The following SFI1 variants were observed in gnomAD, a reference collection of about 807,000 sequenced individuals.
SFI1 encodes SFI1 centrin binding protein, also known as protein SFI1 homolog.
Under a neutral mutation model 207.5 loss-of-function variants are expected in SFI1, and 195 were observed. The observed-to-expected ratio is 0.94, with a 90% CI of 0.84 to 1.06. The LOEUF (loss-of-function observed/expected upper bound fraction) is 1.06, where lower values mean the gene tolerates loss of function less well. Among genes scored for constraint, SFI1 ranks in the 50% least tolerant of loss-of-function variants. SFI1 has a pLI of 0.00. For synonymous variants in SFI1, 630 were observed against 598.9 expected (o/e 1.05, Z -0.76); for missense variants, 1,634 against 1,588.0 (o/e 1.03, Z -0.49).
At chr22:31,522,003 G>C (rs1269740413) in intron 2 of SFI1, among the ~76,000 whole-genome samples, 1 of 149,624 alleles carries the variant, frequency 6.7e-6, no homozygotes, top group Non-Finnish European at 1.5e-5. Flanking sequence ...GGCCTCGAGG[G>C]ATCCACCTGC....
At chr22:31,526,359 A>G (rs935803839) in intron 2 of SFI1, among the ~76,000 whole-genome samples, 14 of 152,190 alleles carry the variant, frequency 9.2e-5, no homozygotes, top group African/African-American at 3.4e-4. Context: ...CAGGAAAGAA[A>G]GTGCAGGGTG....
intron 7 of SFI1, among the ~76,000 whole-genome samples, chr22:31,557,628 G>C (rs2061298102): frequency 6.6e-6 from 1 of 152,180 alleles, no homozygotes; most frequent in African/African-American, 2.4e-5. Context: ...TGTTAAGTTT[G>C]TGTGTGCATG....
At chr22:31,554,955 A>G (rs1202068247) in intron 6 of SFI1, among the ~76,000 whole-genome samples, 1 of 152,132 alleles carries the variant, frequency 6.6e-6, no homozygotes, top group Non-Finnish European at 1.5e-5. Flanking sequence ...TTAGTTTTCT[A>G]ATATTTGGGA....
chr22:31,581,516 T>C (rs1321459313), intron 12 of SFI1, among the ~76,000 whole-genome samples: 1 of 152,074 alleles, frequency 6.6e-6, no homozygotes, highest in Non-Finnish European at 1.5e-5. Context: ...GGTCGCAAAC[T>C]CCTGGCCTCA....
chr22:31,608,165 C>G (rs2069388360), intron 22 of SFI1, 132 bp downstream of exon 22: 1 of 655,482 alleles, frequency 1.5e-6, no homozygotes, highest in Non-Finnish European at 2.6e-6. Context: ...TGACAAAGTA[C>G]CACAGACTGG....
At chr22:31,544,133 G>A (rs946252838) in intron 4 of SFI1, among the ~76,000 whole-genome samples, 5 of 152,158 alleles carry the variant, frequency 3.3e-5, no homozygotes, top group Admixed American at 2.6e-4. Flanking sequence ...AGATTACAGT[G>A]AGCAGAGATC....
At chr22:31,537,487 T>C (rs1445813914) in intron 4 of SFI1, among the ~76,000 whole-genome samples, 1 of 152,192 alleles carries the variant, frequency 6.6e-6, no homozygotes, top group Non-Finnish European at 1.5e-5. Flanking sequence ...ATTCGCATTA[T>C]GCTGTTTTTC....
intron 4 of SFI1, among the ~76,000 whole-genome samples, chr22:31,544,755 C>G (rs986562352): frequency 6.6e-6 from 1 of 151,054 alleles, no homozygotes; most frequent in African/African-American, 2.4e-5. Flanking sequence ...ACCCTGTCTC[C>G]AAAAAAAAGT....
At position 31,582,206 on chromosome 22, in the gene SFI1, T is replaced by TATATATATATATATA. The variant is rs1569376507; in HGVS notation, c.1249-1669_1249-1668insATATATATATATATA. The stretch of plus-strand genomic sequence containing the variant: ...CCCAACAACACTTCTTTATTACATT[T>TATATATATATATATA]TATATATATATATATATATATATAT... On this transcript the variant is annotated intron_variant, in intron 12 of 32. Coordinates refer to ENST00000400288, the MANE Select transcript of SFI1 (RefSeq NM_001007467.3). Among the ~76,000 whole-genome samples the TATATATATATATATA allele has an allele frequency of 2.8e-3, 104 of 36,596 alleles. 4 individuals are homozygous for TATATATATATATATA. The highest frequency in any genetic ancestry group is 5.9e-3 in the South Asian group (4 of 678). 24.0% of individuals were successfully genotyped at this position (36,596 alleles called of 152,430 possible).
chr22:31,615,473 C>T (rs1160467177), intron 29 of SFI1, 194 bp downstream of exon 29: 1 of 456,068 alleles, frequency 2.2e-6, no homozygotes, highest in African/African-American at 2.0e-5. Flanking sequence ...GCCAAGGGCC[C>T]TGCCATCCTG....
chr22:31,582,332 A>G (rs551265737), intron 12 of SFI1, among the ~76,000 whole-genome samples: 10 of 135,256 alleles, frequency 7.4e-5, no homozygotes, highest in Non-Finnish European at 1.2e-4. Flanking sequence ...GCTCACTGCA[A>G]CCTCCACCTT....
chr22:31,585,229 T>C, intron 14 of SFI1, 95 bp downstream of exon 14: 1 of 1,041,202 alleles, frequency 9.6e-7, no homozygotes, highest in Admixed American at 2.1e-5. Flanking sequence ...TGCCAAGAAG[T>C]CTTATCGTTC....
Position 31,604,922 on chromosome 22 carries a change from C to G in SFI1, c.2031C>G (p.Ser677Arg). The G allele has an allele frequency of 6.2e-7, 1 of 1,610,600 alleles. No homozygotes were observed. The highest frequency in any genetic ancestry group is 1.1e-5 in the South Asian group (1 of 90,730). ...TCCGGGAGGTGGCAGCCAGGGAGAG[C>G]CAGCACAACAGGCAGCTGCTGCGGT... is the stretch of plus-strand genomic sequence containing the variant. ...SILREVAARESQHNRQLLRGA... is the reference protein window; with the variant it reads ...SILREVAARERQHNRQLLRGA... Residue 677 changes from serine to arginine, a missense_variant, in exon 20 of 33, where the codon AGC becomes AGG. Ser to Arg is a moderately radical substitution (Grantham distance 110). Coordinates refer to ENST00000400288, the MANE Select transcript of SFI1 (RefSeq NM_001007467.3).
At chr22:31,504,856 A>G (rs1335156330) in intron 1 of SFI1, among the ~76,000 whole-genome samples, 2 of 152,170 alleles carry the variant, frequency 1.3e-5, no homozygotes, top group Non-Finnish European at 2.9e-5. Flanking sequence ...TCTTTTAAGA[A>G]AGACACAAAT....
At chr22:31,502,849 C>T (rs1045703631) in intron 1 of SFI1, among the ~76,000 whole-genome samples, 14 of 151,902 alleles carry the variant, frequency 9.2e-5, no homozygotes, top group African/African-American at 3.1e-4. Context: ...CGTGGTGGGT[C>T]CCACCTGTAA....
intron 1 of SFI1, among the ~76,000 whole-genome samples, chr22:31,501,337 A>T (rs925001582): frequency 5.3e-5 from 8 of 151,206 alleles, no homozygotes; most frequent in Non-Finnish European, 8.8e-5. Context: ...ACGCCCGGCT[A>T]ATTTTTTGTA....
intron 11 of SFI1, 65 bp downstream of exon 11, chr22:31,578,517 G>T: frequency 6.8e-7 from 1 of 1,464,628 alleles, no homozygotes; most frequent in Non-Finnish European, 9.4e-7. Flanking sequence ...ACTCTTGGGG[G>T]ACCCTGACCC....
intron 2 of SFI1, among the ~76,000 whole-genome samples, chr22:31,515,110 C>T (rs2056299613): frequency 6.6e-6 from 1 of 151,646 alleles, no homozygotes; most frequent in Non-Finnish European, 1.5e-5. Flanking sequence ...GATGGTTATG[C>T]TGTTGGCTTT....
At chr22:31,584,110 A>C in intron 13 of SFI1, 138 bp downstream of exon 13, 1 of 714,110 alleles carries the variant, frequency 1.4e-6, no homozygotes, top group Non-Finnish European at 2.4e-6. Flanking sequence ...GTCCTGCTGT[A>C]AACCATTTGT....
Sources: allele counts gnomAD v4.1 joint callset (sites outside exome capture counted in the v4.1 genomes callset), GRCh38; gene constraint gnomAD v4.1.1; transcripts MANE v1.5; gene names NCBI Gene and HGNC (gene_info 2026-07-23, HGNC 2026-07-21).